NDST4: variants seen among roughly 807,000 people sequenced by gnomAD.
The protein encoded by NDST4 is N-heparan sulfate sulfotransferase 4.
NDST4 carries 63 observed loss-of-function variants against 100.8 expected under a neutral mutation model. The ratio of observed to expected loss-of-function variants is 0.62; its 90% CI spans 0.51 to 0.77. The LOEUF is 0.77. Among genes scored for constraint, NDST4 ranks in the 30% least tolerant of loss-of-function variants. The pLI is 0.00. For synonymous variants in NDST4, 377 were observed against 361.8 expected (o/e 1.04, Z -0.48); for missense variants, 943 against 1,018.4 (o/e 0.93, Z 1.01).
At chr4:114,860,137 A>G (rs1228750698) in intron 7 of NDST4, among the ~76,000 whole-genome samples, 1 of 152,204 alleles carries the variant, frequency 6.6e-6, no homozygotes, top group Non-Finnish European at 1.5e-5. Context: ...AAATTCATCT[A>G]TGGAAACTGT....
rs1436297296 is a variant in NDST4, at chr4:115,009,179, A to C, written c.979-31905T>G. Among the ~76,000 whole-genome samples the C allele has an allele frequency of 4.7e-5, 6 of 127,892 alleles. 2 individuals are homozygous for C. The highest frequency in any genetic ancestry group is 1.8e-4 in the African/African-American group (6 of 33,588). The allele number at this position is 127,892 out of a possible 152,430, so 83.9% of individuals were successfully genotyped here. A position where few individuals can be genotyped will look rare whatever the true frequency, so the allele number is the denominator to read the frequency against. Reference sequence around the variant, plus strand: ...TGACTTTCTTCACAGAATTGGAAAAAACTACTTTAAAGTTCATATGGAACC... The same window carrying C: ...TGACTTTCTTCACAGAATTGGAAAACACTACTTTAAAGTTCATATGGAACC... On this transcript the variant is annotated intron_variant, in intron 2 of 13. Coordinates refer to ENST00000264363, the MANE Select transcript of NDST4 (RefSeq NM_022569.3).
chr4:115,059,982 A>C (rs76250850), intron 2 of NDST4, among the ~76,000 whole-genome samples: 1 of 151,906 alleles, frequency 6.6e-6, no homozygotes, highest in Non-Finnish European at 1.5e-5. Flanking sequence ...TTATTTTTAA[A>C]TGTTGGTTTT....
chr4:114,936,441 CATAG>C (rs1349324707), intron 5 of NDST4, among the ~76,000 whole-genome samples: 2 of 152,042 alleles, frequency 1.3e-5, no homozygotes, highest in South Asian at 2.1e-4. Flanking sequence ...AAAAATAAAT[CATAG>C]ATAGATAAAT....
chr4:114,857,263 G>A (rs1723817588), intron 7 of NDST4, among the ~76,000 whole-genome samples: 1 of 152,160 alleles, frequency 6.6e-6, no homozygotes, highest in African/African-American at 2.4e-5. Flanking sequence ...AGAGTGCTAT[G>A]GAAGAGAGTG....
intron 1 of NDST4, among the ~76,000 whole-genome samples, chr4:115,102,334 C>T (rs1729746791): frequency 6.6e-6 from 1 of 152,046 alleles, no homozygotes; most frequent in Non-Finnish European, 1.5e-5. Context: ...TAGAAATTTG[C>T]TAGCTGACTT....
intron 7 of NDST4, among the ~76,000 whole-genome samples, chr4:114,862,187 A>G (rs984642079): frequency 5.9e-5 from 9 of 152,198 alleles, no homozygotes; most frequent in Non-Finnish European, 1.3e-4. Context: ...GAAAACAAAC[A>G]TAATGTTAAT....
intron 2 of NDST4, among the ~76,000 whole-genome samples, chr4:114,998,859 T>C (rs1434067448): frequency 4.6e-5 from 7 of 152,058 alleles, no homozygotes; most frequent in Admixed American, 3.3e-4. Context: ...GCTTGCCCTT[T>C]TCAGAGGAGT....
intron 1 of NDST4, among the ~76,000 whole-genome samples, chr4:115,079,899 G>T (rs761282657): frequency 7.2e-5 from 11 of 151,962 alleles, no homozygotes; most frequent in Non-Finnish European, 1.2e-4. Context: ...ATGTTGAAAT[G>T]GTTGTTTTTG....
At chr4:115,079,923 T>G (rs920495545) in intron 1 of NDST4, among the ~76,000 whole-genome samples, 8 of 152,186 alleles carry the variant, frequency 5.3e-5, no homozygotes, top group Admixed American at 6.5e-5. Context: ...GAAAATAACT[T>G]TTAAACTTTT....
intron 2 of NDST4, among the ~76,000 whole-genome samples, chr4:115,070,353 G>T (rs1410770502): frequency 3.9e-5 from 6 of 152,100 alleles, no homozygotes. Flanking sequence ...ATAAGTGGGA[G>T]CTAAAAGATG....
At chr4:115,039,504 TATAAA>T (rs1460159851) in intron 2 of NDST4, among the ~76,000 whole-genome samples, 1 of 152,128 alleles carries the variant, frequency 6.6e-6, no homozygotes, top group Non-Finnish European at 1.5e-5. Context: ...AATAAATTGA[TATAAA>T]AGATGTGTGT....
At chr4:115,036,515 A>T (rs1277987871) in intron 2 of NDST4, among the ~76,000 whole-genome samples, 4 of 151,796 alleles carry the variant, frequency 2.6e-5, no homozygotes, top group African/African-American at 7.2e-5. Flanking sequence ...AATTTCATCT[A>T]GTCATTTCAG....
At chr4:115,071,276 T>TCACACACACACA (rs70964340) in intron 2 of NDST4, among the ~76,000 whole-genome samples, 7 of 138,178 alleles carry the variant, frequency 5.1e-5, no homozygotes, top group African/African-American at 1.9e-4. Flanking sequence ...AAGTATGCCT[T>TCACACACACACA]CACACACACA....
chr4:114,889,337 T>C (rs1294032376), intron 6 of NDST4, among the ~76,000 whole-genome samples: 2 of 152,192 alleles, frequency 1.3e-5, no homozygotes, highest in African/African-American at 4.8e-5. Context: ...GTGATGAATA[T>C]ACAAATTATA....
At chr4:114,995,522 G>A (rs1347556132) in intron 2 of NDST4, among the ~76,000 whole-genome samples, 1 of 152,012 alleles carries the variant, frequency 6.6e-6, no homozygotes, top group Non-Finnish European at 1.5e-5. Flanking sequence ...ATCTGACTTA[G>A]ACATACATGT....
chr4:115,102,166 C>G (rs1729743033), intron 1 of NDST4, among the ~76,000 whole-genome samples: 1 of 152,000 alleles, frequency 6.6e-6, no homozygotes, highest in Admixed American at 6.6e-5. Context: ...TATTTAAAAC[C>G]ATTATTATAT....
At chr4:114,843,958 A>T (rs1334299065) in intron 10 of NDST4, among the ~76,000 whole-genome samples, 1 of 151,624 alleles carries the variant, frequency 6.6e-6, no homozygotes. Context: ...CATAATCCAC[A>T]CTTTTTTTAG....
chr4:115,019,116 G>A (rs993120083), intron 2 of NDST4, among the ~76,000 whole-genome samples: 22 of 151,464 alleles, frequency 1.5e-4, no homozygotes, highest in African/African-American at 5.3e-4. Context: ...TACATTAACT[G>A]GTTTTTATTT....
chr4:115,065,008 C>T (rs556657890), intron 2 of NDST4, among the ~76,000 whole-genome samples: 12 of 152,196 alleles, frequency 7.9e-5, no homozygotes, highest in African/African-American at 2.6e-4. Context: ...AGCATCTTTA[C>T]CTCTGTCTGA....
Sources: gnomAD v4.1 joint callset for allele counts (sites outside exome capture counted in the v4.1 genomes callset) on GRCh38, gnomAD v4.1.1 for gene constraint, MANE v1.5 for transcripts, NCBI Gene and HGNC (gene_info 2026-07-23, HGNC 2026-07-21) for gene names.